The following PPP1CB variants were observed in gnomAD, a reference collection of about 807,000 sequenced individuals.
PPP1CB encodes the protein protein phosphatase 1 catalytic subunit beta.
Under a neutral mutation model 43.7 loss-of-function variants are expected in PPP1CB, and 2 were observed. The observed-to-expected ratio is 0.05, with a 90% confidence interval of 0.02 to 0.14. The LOEUF (loss-of-function observed/expected upper bound fraction) is 0.14. Among genes scored for constraint, PPP1CB ranks in the 10% least tolerant of loss-of-function variants. The pLI, the probability that PPP1CB is intolerant of heterozygous loss-of-function variation, is 1.00. For synonymous variants in PPP1CB, 136 were observed against 135.6 expected (o/e 1.00, Z -0.02); for missense variants, 84 against 398.0 (o/e 0.21, Z 6.71).
chr2:28,751,817 G>C (rs377326423), upstream of PPP1CB: 6 of 465,572 alleles, frequency 1.3e-5, no homozygotes, highest in Admixed American at 2.1e-4. Flanking sequence ...CGTCGGCGGC[G>C]CTGGTGAGCT....
At chr2:28,795,686 T>G (rs577191296) in intron 7 of PPP1CB, among the ~76,000 whole-genome samples, 1 of 152,270 alleles carries the variant, frequency 6.6e-6, no homozygotes, top group South Asian at 2.1e-4. Context: ...CCTTATAGAG[T>G]CTGGATATTA....
At chr2:28,774,211 T>C (rs1666980006) in intron 1 of PPP1CB, among the ~76,000 whole-genome samples, 1 of 152,198 alleles carries the variant, frequency 6.6e-6, no homozygotes, top group South Asian at 2.1e-4. Context: ...TAAATTGACA[T>C]ATTGAAGTGA....
chr2:28,764,580 T>A (rs1240159993), intron 1 of PPP1CB, among the ~76,000 whole-genome samples: 1 of 151,752 alleles, frequency 6.6e-6, no homozygotes, highest in Non-Finnish European at 1.5e-5. Flanking sequence ...TAGGAAAAAA[T>A]TAGGATGTCT....
intron 1 of PPP1CB, among the ~76,000 whole-genome samples, chr2:28,758,213 T>A (rs1005001518): frequency 6.6e-6 from 1 of 151,768 alleles, no homozygotes; most frequent in Non-Finnish European, 1.5e-5. Context: ...TTAAAAAAAA[T>A]TGGTAGACAC....
chr2:28,778,421 C>T (rs1023735615), intron 2 of PPP1CB: 8 of 473,156 alleles, frequency 1.7e-5, no homozygotes, highest in South Asian at 4.6e-5. Context: ...GGCGTGATCT[C>T]GGGCTGCAGT....
chr2:28,752,855 C>T (rs955875087), intron 1 of PPP1CB, among the ~76,000 whole-genome samples: 1 of 152,218 alleles, frequency 6.6e-6, no homozygotes, highest in Admixed American at 6.5e-5. Flanking sequence ...GATGGGTTTG[C>T]TGAAGGGATT....
At chr2:28,772,362 G>A (rs998421011) in intron 1 of PPP1CB, among the ~76,000 whole-genome samples, 21 of 152,158 alleles carry the variant, frequency 1.4e-4, no homozygotes, top group Non-Finnish European at 2.6e-4. Flanking sequence ...TAAATCCAAC[G>A]AATACCACCA....
At chr2:28,794,552 G>A (rs773492701) in intron 7 of PPP1CB, among the ~76,000 whole-genome samples, 1 of 152,026 alleles carries the variant, frequency 6.6e-6, no homozygotes. Flanking sequence ...TTAGCCGGGC[G>A]TGGTAGCATG....
chr2:28,754,173 A>G (rs1417191926), intron 1 of PPP1CB, among the ~76,000 whole-genome samples: 2 of 152,176 alleles, frequency 1.3e-5, no homozygotes, highest in East Asian at 3.8e-4. Context: ...AAATGTTTGT[A>G]TCCTTTTAAA....
In PPP1CB at chr2:28,802,853, G is replaced by C. The variant is rs1667650586; in HGVS notation, c.*3550G>C. ...ACTACCTTCTACATTGGTTGACTTA[G>C]ACCGTAAGCTTTTTAAGTTTCTCAT... On this transcript the variant is annotated 3_prime_UTR_variant, in exon 8 of 8. Transcript: ENST00000395366. The C allele has an allele frequency of 6.6e-6, 1 of 152,170 alleles. No homozygotes were observed. The highest frequency in any genetic ancestry group is 6.5e-5 in the Admixed American group (1 of 15,272). 9.4% of individuals were successfully genotyped at this position (152,170 alleles called of 1,614,324 possible). A position where few individuals can be genotyped will look rare whatever the true frequency, so the allele number is the denominator to read the frequency against.
At chr2:28,769,330 G>C (rs548099609) in intron 1 of PPP1CB, among the ~76,000 whole-genome samples, 2 of 152,132 alleles carry the variant, frequency 1.3e-5, no homozygotes, top group Non-Finnish European at 2.9e-5. Context: ...TCTGCCTCCC[G>C]GGTTCAAGCG....
rs770933758 is a variant in PPP1CB, at chr2:28,776,834, T to A, written c.53-17T>A. 15 of 1,584,494 alleles carry A rather than the reference T, an allele frequency of 9.5e-6. No individual in the cohort carries two copies. The highest frequency in any genetic ancestry group is 6.9e-5 in the Admixed American group (4 of 58,260). Reference sequence around the variant, plus strand: ...GTAAATTTTAGAAAACTGACTGTTTTATTTATCGTTTGTCAGTACGAGGAT... The same window carrying A: ...GTAAATTTTAGAAAACTGACTGTTTAATTTATCGTTTGTCAGTACGAGGAT... On this transcript the variant is annotated splice_polypyrimidine_tract_variant and intron_variant, in intron 1 of 7. Transcript: ENST00000395366.
intron 7 of PPP1CB, among the ~76,000 whole-genome samples, chr2:28,794,213 G>A (rs943157255): frequency 6.6e-6 from 1 of 152,198 alleles, no homozygotes; most frequent in African/African-American, 2.4e-5. Context: ...GGGAACCTAA[G>A]TTACGTCAGT....
chr2:28,771,416 C>CAT (rs145127586), intron 1 of PPP1CB, among the ~76,000 whole-genome samples: 79,657 of 151,640 alleles, frequency 0.53, 21,692 homozygotes, highest in Middle Eastern at 0.62. Flanking sequence ...AATTTTAAAA[C>CAT]ATTTGAAAGT....
In PPP1CB at chr2:28,783,891, A is replaced by T; in HGVS notation, c.521-16A>T. 6.3e-7 allele frequency: 1 copy of T among 1,597,070 alleles called. No individual in the cohort carries two copies. The highest frequency in any genetic ancestry group is 8.6e-7 in the Non-Finnish European group (1 of 1,165,052). ...TTTTTAGCTGTTAGTACTATGTCTC[A>T]TCTTTTTATTTATAGGATTGTCACC... is the stretch of plus-strand genomic sequence containing the variant. On this transcript the variant is annotated splice_polypyrimidine_tract_variant and intron_variant, in intron 4 of 7. Transcript: ENST00000395366.
intron 1 of PPP1CB, among the ~76,000 whole-genome samples, chr2:28,756,569 G>C (rs1311641905): frequency 3.9e-5 from 6 of 152,090 alleles, no homozygotes; most frequent in Admixed American, 3.3e-4. Context: ...CTGCAGCCTC[G>C]ACTTCCTGGT....
intron 5 of PPP1CB, among the ~76,000 whole-genome samples, chr2:28,785,064 G>GGTTTTTTT (rs1558307639): frequency 1.1e-5 from 1 of 93,798 alleles, no homozygotes; most frequent in Non-Finnish European, 2.3e-5. Context: ...TGTGTTAGGA[G>GGTTTTTTT]CTTTTTTTTT....
rs1025127639 is a variant in PPP1CB, at chr2:28,765,667, A to C, written c.53-11184A>C. 6.6e-5 allele frequency among the ~76,000 whole-genome samples: 10 copies of C among 152,360 alleles called. No homozygotes were observed. The South Asian group carries it at 2.1e-3, about 32-fold the overall frequency. On this transcript the variant is annotated intron_variant, in intron 1 of 7. Transcript: ENST00000395366. Reference sequence around the variant, plus strand: ...TATGGTGGCTCGCGCCTTTAATCCCAGCACTTTGGGAGGCGGAGGCAGGAG... The same window carrying C: ...TATGGTGGCTCGCGCCTTTAATCCCCGCACTTTGGGAGGCGGAGGCAGGAG...
At chr2:28,769,594 G>A (rs1295044474) in intron 1 of PPP1CB, among the ~76,000 whole-genome samples, 1 of 152,168 alleles carries the variant, frequency 6.6e-6, no homozygotes, top group East Asian at 1.9e-4. Context: ...ACAGATAAAA[G>A]CAAAGAACTG....
Sources: gnomAD v4.1 joint callset for allele counts (sites outside exome capture counted in the v4.1 genomes callset) on GRCh38, gnomAD v4.1.1 for gene constraint, MANE v1.5 for transcripts, NCBI Gene and HGNC (gene_info 2026-07-23, HGNC 2026-07-21) for gene names.